The following RTN4 variants were observed in gnomAD, a reference collection of about 807,000 sequenced individuals.
RTN4 encodes reticulon-4.
In RTN4, 32 loss-of-function variants were observed where a neutral mutation model predicts 90.4. That is an observed-to-expected ratio of 0.35 (90% CI 0.27 to 0.48). The LOEUF is 0.48. RTN4 is among the 20% of genes least tolerant of loss of function. The pLI is 0.99. For synonymous variants in RTN4, 629 were observed against 552.5 expected (o/e 1.14, Z -1.94); for missense variants, 1,706 against 1,430.2 (o/e 1.19, Z -3.11).
chr2:55,023,241 C>T (rs1314150555), intron 3 of RTN4, among the ~76,000 whole-genome samples: 1 of 152,042 alleles, frequency 6.6e-6, no homozygotes, highest in African/African-American at 2.4e-5. Flanking sequence ...TTCCCTGAAC[C>T]CATACCTAGG....
At chr2:55,040,283 C>T (rs1226986682) in intron 1 of RTN4, among the ~76,000 whole-genome samples, 1 of 152,006 alleles carries the variant, frequency 6.6e-6, no homozygotes, top group Non-Finnish European at 1.5e-5. Flanking sequence ...CATAATTTAA[C>T]AATGATGTTG....
intron 3 of RTN4, among the ~76,000 whole-genome samples, chr2:54,996,332 C>A (rs1474707916): frequency 1.3e-5 from 2 of 152,008 alleles, no homozygotes; most frequent in Admixed American, 1.3e-4. Context: ...AATTGACATG[C>A]CAATTGCAAA....
intron 1 of RTN4, among the ~76,000 whole-genome samples, chr2:55,090,502 C>T (rs964706895): frequency 1.3e-5 from 2 of 152,110 alleles, no homozygotes. Flanking sequence ...CTAAACGGAG[C>T]CAATTCAACC....
chr2:55,033,498 T>G (rs1573437614), intron 1 of RTN4, among the ~76,000 whole-genome samples: 1 of 152,272 alleles, frequency 6.6e-6, no homozygotes, highest in East Asian at 1.9e-4. Context: ...AGTTCCCAGC[T>G]GAGATGGAAC....
chr2:55,119,630 C>T, the RTN4 span, among the ~76,000 whole-genome samples: 1 of 152,190 alleles, frequency 6.6e-6, no homozygotes, highest in Non-Finnish European at 1.5e-5. Flanking sequence ...CTTGGAATCT[C>T]GCTTAGCCAT....
intron 5 of RTN4, among the ~76,000 whole-genome samples, chr2:54,982,001 C>A (rs1475147825): frequency 6.6e-6 from 1 of 151,956 alleles, no homozygotes; most frequent in Non-Finnish European, 1.5e-5. Flanking sequence ...GTTGCCCAGG[C>A]TGGAATGCAA....
chr2:55,068,772 A>ACTTCAGTATGCAGCAG (rs1558866143), intron 2 of RTN4, among the ~76,000 whole-genome samples: 1 of 151,724 alleles, frequency 6.6e-6, no homozygotes, highest in Non-Finnish European at 1.5e-5. Context: ...GTATGCAGCA[A>ACTTCAGTATGCAGCAG]CAATGCTTTC....
At chr2:55,072,150 T>A (rs1365211280) in intron 2 of RTN4, among the ~76,000 whole-genome samples, 3 of 3,238 alleles carry the variant, frequency 9.3e-4, no homozygotes, top group African/African-American at 1.8e-3. Context: ...TTTTTAGTTA[T>A]TTTTTTTTTC....
At chr2:55,023,186 G>A (rs547095992) in intron 3 of RTN4, among the ~76,000 whole-genome samples, 1 of 151,946 alleles carries the variant, frequency 6.6e-6, no homozygotes, top group Non-Finnish European at 1.5e-5. Context: ...CTTCCACAGG[G>A]CCCACCTGCC....
chr2:55,120,823 C>T, the RTN4 span, among the ~76,000 whole-genome samples: 3 of 152,108 alleles, frequency 2.0e-5, no homozygotes, highest in Non-Finnish European at 2.9e-5. Context: ...TGTCAGCAGC[C>T]TGGCTCAGAG....
At chr2:55,097,363 T>C (rs1223602318) in intron 1 of RTN4, among the ~76,000 whole-genome samples, 2 of 151,574 alleles carry the variant, frequency 1.3e-5, no homozygotes, top group Middle Eastern at 3.2e-3. Context: ...TTTCTGGGGT[T>C]GGGGGGAAAG....
chr2:55,098,880 CCTCT>C (rs534095816), intron 1 of RTN4, among the ~76,000 whole-genome samples: 53 of 152,088 alleles, frequency 3.5e-4, no homozygotes, highest in Non-Finnish European at 5.0e-4. Context: ...GTTCCTCTGT[CCTCT>C]CTATTTTCTA....
rs151278910 is a variant in RTN4, at chr2:55,026,290, T to C, written c.1809A>G (p.Ser603=). Reference sequence around the variant, plus strand: ...GCAAAACTGGTGAAGGAGTAGCTTCTGACTCTTCAAATGATGGGCAAAGCT... The same window carrying C: ...GCAAAACTGGTGAAGGAGTAGCTTCCGACTCTTCAAATGATGGGCAAAGCT... The part of the protein sequence containing the change: ...AAQLCPSFEE[S]EATPSPVLPD... The change falls in exon 3 of 9, where the codon TCA becomes TCG. Residue 603 remains serine, a synonymous_variant. Transcript: ENST00000337526. 5.2e-5 allele frequency: 84 copies of C among 1,613,898 alleles called. No homozygotes were observed. The highest frequency in any genetic ancestry group is 6.9e-5 in the Non-Finnish European group (82 of 1,179,936).
chr2:54,993,198 A>T (rs923793802), intron 3 of RTN4, among the ~76,000 whole-genome samples: 1 of 151,708 alleles, frequency 6.6e-6, no homozygotes, highest in African/African-American at 2.4e-5. Context: ...TTGCTTCTTT[A>T]CTCTTTTCTG....
At chr2:55,117,460 C>T (rs1668145497), upstream of RTN4, among the ~76,000 whole-genome samples, 1 of 152,334 alleles carries the variant, frequency 6.6e-6, no homozygotes, top group East Asian at 1.9e-4. Context: ...GACTCGGCAG[C>T]ATCCCAGGGA....
At chr2:55,005,185 A>G (rs1680123297) in intron 3 of RTN4, among the ~76,000 whole-genome samples, 1 of 152,210 alleles carries the variant, frequency 6.6e-6, no homozygotes. Context: ...AAGTAAGTAA[A>G]GGAAAATCCC....
At chr2:54,991,793 ATATCT>A (rs1298188315) in intron 3 of RTN4, among the ~76,000 whole-genome samples, 38 of 152,362 alleles carry the variant, frequency 2.5e-4, no homozygotes, top group African/African-American at 9.1e-4. Context: ...CTTCCTAGAA[ATATCT>A]TAAGTACCAG....
intron 1 of RTN4, chr2:55,046,893 C>T (rs1014408382): frequency 6.6e-6 from 1 of 152,166 alleles, no homozygotes; most frequent in African/African-American, 2.4e-5. Context: ...TATTCTTTCC[C>T]CATTGCCTTC....
At chr2:55,125,709 T>C in the RTN4 span, among the ~76,000 whole-genome samples, 1 of 152,034 alleles carries the variant, frequency 6.6e-6, no homozygotes, top group Non-Finnish European at 1.5e-5. Context: ...GAGGTTGCAG[T>C]GAGCCAAGAT....
Sources: allele counts gnomAD v4.1 joint callset (sites outside exome capture counted in the v4.1 genomes callset), GRCh38; gene constraint gnomAD v4.1.1; transcripts MANE v1.5; gene names NCBI Gene and HGNC (gene_info 2026-07-23, HGNC 2026-07-21).